The following SEMA5A variants were observed in gnomAD, a reference collection of about 807,000 sequenced individuals.
SEMA5A encodes the protein semaphorin-5A.
Under a neutral mutation model 135.5 loss-of-function variants are expected in SEMA5A, and 55 were observed. The ratio of observed to expected loss-of-function variants is 0.41; its 90% CI spans 0.33 to 0.51. SEMA5A has a LOEUF of 0.51. Ranked by LOEUF, SEMA5A falls within the 20% of genes least tolerant of loss-of-function variation. SEMA5A has a pLI of 0.37. For missense variants in SEMA5A, 1,290 were observed against 1,419.9 expected (o/e 0.91, Z 1.47); for synonymous variants, 580 against 546.5 (o/e 1.06, Z -0.85).
At chr5:9,127,876 A>G (rs1741202240) in intron 13 of SEMA5A, among the ~76,000 whole-genome samples, 1 of 152,156 alleles carries the variant, frequency 6.6e-6, no homozygotes, top group African/African-American at 2.4e-5. Context: ...TCATAATGAT[A>G]TAGATGATAG....
intron 1 of SEMA5A, chr5:9,517,314 G>C (rs1258764862): frequency 6.6e-6 from 1 of 152,234 alleles, no homozygotes; most frequent in Non-Finnish European, 1.5e-5. Flanking sequence ...AGAAGGAAAA[G>C]GGAATTGGCT....
intron 2 of SEMA5A, among the ~76,000 whole-genome samples, chr5:9,421,163 C>G (rs984168062): frequency 2.0e-5 from 3 of 152,232 alleles, no homozygotes; most frequent in Non-Finnish European, 4.4e-5. Flanking sequence ...GTACTGCCTT[C>G]TGTATCTTCC....
chr5:9,455,213 T>C (rs556358502), intron 1 of SEMA5A, among the ~76,000 whole-genome samples: 5 of 152,130 alleles, frequency 3.3e-5, no homozygotes, highest in African/African-American at 2.4e-5. Context: ...CCTGCTCAGA[T>C]AGCATATTGC....
chr5:9,177,169 G>A (rs575441334), intron 11 of SEMA5A, among the ~76,000 whole-genome samples: 1 of 152,304 alleles, frequency 6.6e-6, no homozygotes, highest in South Asian at 2.1e-4. Flanking sequence ...TGGAGTGACA[G>A]TACTTAAATT....
intron 1 of SEMA5A, among the ~76,000 whole-genome samples, chr5:9,519,245 A>G (rs950764444): frequency 1.3e-4 from 20 of 152,202 alleles, no homozygotes; most frequent in African/African-American, 4.8e-4. Context: ...TCCCACTTTC[A>G]ACTAAAACCT....
At chr5:9,510,304 C>T (rs1736135690) in intron 1 of SEMA5A, among the ~76,000 whole-genome samples, 1 of 152,094 alleles carries the variant, frequency 6.6e-6, no homozygotes, top group South Asian at 2.1e-4. Flanking sequence ...ATACAACAAA[C>T]GTTTATTGCT....
intron 8 of SEMA5A, among the ~76,000 whole-genome samples, chr5:9,210,785 G>GTTGT (rs1746306574): frequency 6.6e-6 from 1 of 152,138 alleles, no homozygotes; most frequent in Non-Finnish European, 1.5e-5. Context: ...CCCTTAAGAG[G>GTTGT]TTGTAAGAAG....
At chr5:9,236,041 G>T (rs1369640903) in intron 6 of SEMA5A, among the ~76,000 whole-genome samples, 1 of 152,140 alleles carries the variant, frequency 6.6e-6, no homozygotes, top group Non-Finnish European at 1.5e-5. Context: ...AAACCATCAG[G>T]TCTTGTGAGA....
At chr5:9,046,472 C>T (rs1057265594) in intron 21 of SEMA5A, among the ~76,000 whole-genome samples, 7 of 152,184 alleles carry the variant, frequency 4.6e-5, no homozygotes, top group African/African-American at 1.7e-4. Flanking sequence ...CCAATGCGGA[C>T]CCACGGGGCT....
intron 11 of SEMA5A, among the ~76,000 whole-genome samples, chr5:9,162,470 ATATG>A (rs1263074966): frequency 1.3e-4 from 4 of 31,926 alleles, no homozygotes; most frequent in African/African-American, 4.2e-4. Flanking sequence ...GTGTGTATAT[ATATG>A]TGTGTGTGTA....
At chr5:9,420,085 C>A (rs1405218411) in intron 2 of SEMA5A, among the ~76,000 whole-genome samples, 1 of 152,006 alleles carries the variant, frequency 6.6e-6, no homozygotes, top group Non-Finnish European at 1.5e-5. Flanking sequence ...TTCATTTCTC[C>A]ACTGGTAACT....
intron 3 of SEMA5A, among the ~76,000 whole-genome samples, chr5:9,353,069 GAA>G (rs1198850857): frequency 6.0e-5 from 1 of 16,746 alleles, no homozygotes; most frequent in Non-Finnish European, 9.6e-5. Context: ...GGAAGGAAAG[GAA>G]AGGAAAGGAA....
intron 3 of SEMA5A, among the ~76,000 whole-genome samples, chr5:9,356,276 C>A (rs1579403626): frequency 6.6e-6 from 1 of 152,150 alleles, no homozygotes. Flanking sequence ...TTCCAGTCAA[C>A]CCACGTTCCG....
At chr5:9,541,305 C>T (rs759487863) in intron 1 of SEMA5A, among the ~76,000 whole-genome samples, 5 of 152,168 alleles carry the variant, frequency 3.3e-5, no homozygotes, top group Non-Finnish European at 7.3e-5. Flanking sequence ...CTCAATTGTA[C>T]ATAAAAATGT....
At chr5:9,207,511 G>T (rs113530571) in intron 8 of SEMA5A, among the ~76,000 whole-genome samples, 2,760 of 152,146 alleles carry the variant, frequency 0.018, 95 homozygotes, top group African/African-American at 0.063. Flanking sequence ...TAAATAGCAA[G>T]CTATTTCACA....
At chr5:9,525,218 ACAG>A (rs1379895429) in intron 1 of SEMA5A, among the ~76,000 whole-genome samples, 1 of 152,216 alleles carries the variant, frequency 6.6e-6, no homozygotes, top group Non-Finnish European at 1.5e-5. Context: ...TCACGCTACA[ACAG>A]CAGAACTGAG....
At chr5:9,431,663 A>G (rs1424776180) in intron 2 of SEMA5A, among the ~76,000 whole-genome samples, 2 of 152,172 alleles carry the variant, frequency 1.3e-5, no homozygotes, top group Non-Finnish European at 2.9e-5. Flanking sequence ...CATGAAATCC[A>G]AAGATCCAAA....
intron 15 of SEMA5A, among the ~76,000 whole-genome samples, chr5:9,115,318 G>A (rs1173496900): frequency 6.6e-6 from 1 of 152,162 alleles, no homozygotes; most frequent in East Asian, 1.9e-4. Flanking sequence ...GCATAACTAA[G>A]AGTCCAGAAG....
chr5:9,239,654 AG>A (rs1479542924), intron 5 of SEMA5A, among the ~76,000 whole-genome samples: 3 of 152,042 alleles, frequency 2.0e-5, no homozygotes, highest in African/African-American at 7.2e-5. Context: ...GAGGACTGAA[AG>A]AATATGATAT....
Sources: allele counts gnomAD v4.1 joint callset (sites outside exome capture counted in the v4.1 genomes callset), GRCh38; gene constraint gnomAD v4.1.1; transcripts MANE v1.5; gene names NCBI Gene and HGNC (gene_info 2026-07-23, HGNC 2026-07-21).